Variants in TSHZ3 observed in about 807,000 individuals in gnomAD.
TSHZ3 encodes teashirt zinc finger homeobox 3, also known as teashirt homolog 3.
TSHZ3 carries 10 observed loss-of-function variants against 64.5 expected under a neutral mutation model. The observed-to-expected ratio is 0.16, with a 90% CI of 0.10 to 0.26. The LOEUF (loss-of-function observed/expected upper bound fraction) is 0.26, where lower values mean the gene tolerates loss of function less well. TSHZ3 is among the 10% of genes least tolerant of loss of function. The pLI is 1.00. For synonymous variants in TSHZ3, 608 were observed against 593.1 expected (o/e 1.03, Z -0.36); for missense variants, 1,242 against 1,421.7 (o/e 0.87, Z 2.03).
At chr19:31,283,880 G>A (rs1174666179) in intron 1 of TSHZ3, among the ~76,000 whole-genome samples, 3 of 152,188 alleles carry the variant, frequency 2.0e-5, no homozygotes, top group Non-Finnish European at 4.4e-5. Context: ...GGGGAGGAAA[G>A]ACTGGGTGTT....
chr19:31,250,960 A>AG (rs1275569097), intron 1 of TSHZ3, among the ~76,000 whole-genome samples: 1 of 152,108 alleles, frequency 6.6e-6, no homozygotes, highest in Non-Finnish European at 1.5e-5. Context: ...GACCACAGGG[A>AG]GGGGCAGGCA....
intron 1 of TSHZ3, among the ~76,000 whole-genome samples, chr19:31,261,036 A>G (rs1458607510): frequency 6.6e-6 from 1 of 152,158 alleles, no homozygotes; most frequent in Admixed American, 6.5e-5. Context: ...CTCCTAGAGG[A>G]CCTTTCAGGC....
intron 3 of TSHZ3, among the ~76,000 whole-genome samples, chr19:31,236,987 A>G (rs138707394): frequency 0.014 from 2,086 of 152,282 alleles, 53 homozygotes; most frequent in African/African-American, 0.047. Flanking sequence ...CGTCTCTACT[A>G]AAAATACAAA....
chr19:31,304,348 A>C (rs1976804842), intron 1 of TSHZ3, among the ~76,000 whole-genome samples: 1 of 152,168 alleles, frequency 6.6e-6, no homozygotes, highest in Non-Finnish European at 1.5e-5. Flanking sequence ...CTGGGCAAGC[A>C]GGGCCAGGAC....
intron 5 of TSHZ3, among the ~76,000 whole-genome samples, chr19:31,178,250 G>A (rs1201692498): frequency 6.6e-6 from 1 of 152,194 alleles, no homozygotes; most frequent in African/African-American, 2.4e-5. Flanking sequence ...TGCAGAGAGA[G>A]CTGTCAGCAT....
At chr19:31,186,975 C>A (rs1438271724) in intron 5 of TSHZ3, among the ~76,000 whole-genome samples, 1 of 150,784 alleles carries the variant, frequency 6.6e-6, no homozygotes, top group East Asian at 1.9e-4. Context: ...ATTACAAAAT[C>A]TTTTTTCTTC....
intron 1 of TSHZ3, among the ~76,000 whole-genome samples, chr19:31,257,026 T>C (rs760004733): frequency 1.2e-4 from 18 of 152,182 alleles, no homozygotes; most frequent in Non-Finnish European, 2.5e-4. Flanking sequence ...TATTGGTCAG[T>C]CCTGTTGACA....
At chr19:31,172,560 A>G (rs932331649) in intron 5 of TSHZ3, among the ~76,000 whole-genome samples, 9 of 152,262 alleles carry the variant, frequency 5.9e-5, no homozygotes, top group African/African-American at 1.7e-4. Context: ...ACACACGCCA[A>G]CAGTGAACAA....
At chr19:31,262,888 T>C (rs1261267545) in intron 1 of TSHZ3, among the ~76,000 whole-genome samples, 3 of 152,176 alleles carry the variant, frequency 2.0e-5, no homozygotes, top group Admixed American at 6.5e-5. Flanking sequence ...ATAAAATGAA[T>C]AGTTAACTCG....
intron 1 of TSHZ3, among the ~76,000 whole-genome samples, chr19:31,286,024 C>T (rs536791963): frequency 2.0e-5 from 3 of 152,148 alleles, no homozygotes; most frequent in East Asian, 1.9e-4. Context: ...AGTGAGAGGC[C>T]GACTGGGCAC....
At chr19:31,193,479 C>T (rs1331881224) in intron 5 of TSHZ3, among the ~76,000 whole-genome samples, 1 of 152,126 alleles carries the variant, frequency 6.6e-6, no homozygotes, top group East Asian at 1.9e-4. Context: ...TTACCAAATG[C>T]CAGGCATGTT....
intron 1 of TSHZ3, among the ~76,000 whole-genome samples, chr19:31,287,516 G>A (rs550991091): frequency 3.3e-5 from 5 of 151,902 alleles, no homozygotes; most frequent in Non-Finnish European, 5.9e-5. Flanking sequence ...AGAGGGAAGG[G>A]GCCATCAAGT....
In TSHZ3 at chr19:31,283,809, G is replaced by C. The variant is rs77737031; in HGVS notation, c.41-4057C>G. On this transcript the variant is annotated intron_variant, in intron 1 of 1. Transcript: ENST00000240587. Reference sequence around the variant, plus strand: ...ACTGAGCTTGACACGCAAAGCCCCTGGCTGGATAGAAGGAAGGGCTCTGGA... The same window carrying C: ...ACTGAGCTTGACACGCAAAGCCCCTCGCTGGATAGAAGGAAGGGCTCTGGA... Among the ~76,000 whole-genome samples, 128 of 152,286 alleles carry C rather than the reference G, an allele frequency of 8.4e-4. 3 individuals carry two copies. In the East Asian group the frequency reaches 0.022, roughly 26 times the overall value.
At chr19:31,285,936 G>A (rs12151300) in intron 1 of TSHZ3, among the ~76,000 whole-genome samples, 10,264 of 152,184 alleles carry the variant, frequency 0.067, 453 homozygotes, top group Non-Finnish European at 0.11. Context: ...GACTGTGAGG[G>A]GGAGGAGGTT....
At chr19:31,321,420 G>C (rs1315019846) in intron 1 of TSHZ3, among the ~76,000 whole-genome samples, 1 of 152,240 alleles carries the variant, frequency 6.6e-6, no homozygotes, top group African/African-American at 2.4e-5. Context: ...GCACTCCAGA[G>C]ACCGTTCCCC....
intron 5 of TSHZ3, among the ~76,000 whole-genome samples, chr19:31,183,167 A>G (rs1286512615): frequency 6.8e-6 from 1 of 146,546 alleles, no homozygotes; most frequent in African/African-American, 2.5e-5. Context: ...ATGTGAGCCA[A>G]TTCTATGAGA....
intron 5 of TSHZ3, among the ~76,000 whole-genome samples, chr19:31,183,206 CTCTCTCTCTCTCTCTCTCTCTT>C (rs1170813923): frequency 8.7e-5 from 7 of 80,224 alleles, no homozygotes; most frequent in South Asian, 4.1e-4. Context: ...CTCTCTCTCT[CTCTCTCTCTCTCTCTCTCTCTT>C]TCTCTCTCTC....
intron 1 of TSHZ3, among the ~76,000 whole-genome samples, chr19:31,248,780 C>A (rs1330913824): frequency 3.5e-5 from 5 of 143,200 alleles, no homozygotes; most frequent in East Asian, 4.0e-4. Flanking sequence ...GACAGCCAGA[C>A]CCTGTTTGAA....
downstream of TSHZ3, among the ~76,000 whole-genome samples, chr19:31,271,389 T>A (rs1432377464): frequency 6.6e-6 from 1 of 151,790 alleles, no homozygotes; most frequent in Non-Finnish European, 1.5e-5. Flanking sequence ...ATAAGCAAAC[T>A]CCCTGGAAAC....
Sources: allele counts gnomAD v4.1 joint callset (sites outside exome capture counted in the v4.1 genomes callset), GRCh38; gene constraint gnomAD v4.1.1; transcripts MANE v1.5; gene names NCBI Gene and HGNC (gene_info 2026-07-23, HGNC 2026-07-21).